DDX60L: variants seen among roughly 807,000 people sequenced by gnomAD.
DDX60L encodes probable ATP-dependent RNA helicase DDX60-like.
DDX60L carries 191 observed loss-of-function variants against 211.6 expected under a neutral mutation model. That is an observed-to-expected ratio of 0.90 (90% CI 0.80 to 1.02). The LOEUF (loss-of-function observed/expected upper bound fraction) is 1.02, where lower values mean the gene tolerates loss of function less well. Among genes scored for constraint, DDX60L ranks in the 50% least tolerant of loss-of-function variants. The pLI is 0.00. For synonymous variants in DDX60L, 706 were observed against 694.1 expected (o/e 1.02, Z -0.27); for missense variants, 2,007 against 1,984.1 (o/e 1.01, Z -0.22).
intron 35 of DDX60L, among the ~76,000 whole-genome samples, chr4:168,373,196 A>C (rs968446418): frequency 6.6e-6 from 1 of 152,138 alleles, no homozygotes; most frequent in African/African-American, 2.4e-5. Context: ...TTCAATGTGG[A>C]ATTTATTTCT....
intron 17 of DDX60L, among the ~76,000 whole-genome samples, chr4:168,420,641 TGAG>T (rs1750422059): frequency 2.5e-5 from 2 of 80,506 alleles, no homozygotes; most frequent in Non-Finnish European, 5.0e-5. Flanking sequence ...CACACACACA[TGAG>T]ATAGATAGAT....
intron 10 of DDX60L, among the ~76,000 whole-genome samples, 165 bp from the exon 11 acceptor site, chr4:168,433,280 G>A (rs1431577732): frequency 6.6e-6 from 1 of 152,042 alleles, no homozygotes; most frequent in Non-Finnish European, 1.5e-5. Flanking sequence ...CAAACATGTT[G>A]TAGCAAGCCA....
At chr4:168,475,463 A>G (rs1759347270) in intron 1 of DDX60L, among the ~76,000 whole-genome samples, 1 of 152,164 alleles carries the variant, frequency 6.6e-6, no homozygotes, top group Non-Finnish European at 1.5e-5. Context: ...GTATACAGTT[A>G]TGTTGTGTTT....
At chr4:168,385,202 G>A (rs1054810021) in intron 29 of DDX60L, among the ~76,000 whole-genome samples, 2 of 152,164 alleles carry the variant, frequency 1.3e-5, no homozygotes, top group African/African-American at 4.8e-5. Context: ...TCTGGGGAAG[G>A]GAGAAGGGCT....
intron 35 of DDX60L, among the ~76,000 whole-genome samples, chr4:168,372,868 TCTATTTGTTTA>T (rs1741279122): frequency 6.6e-6 from 1 of 152,232 alleles, no homozygotes; most frequent in African/African-American, 2.4e-5. Flanking sequence ...TGTGTTCTTT[TCTATTTGTTTA>T]CTTTGGGTAT....
In DDX60L at chr4:168,430,591, C is replaced by A. The variant is rs1752194770; in HGVS notation, c.1564G>T (p.Asp522Tyr). The change falls in exon 13 of 38, where the codon GAT becomes TAT. Residue 522 changes from aspartate to tyrosine, a missense_variant. Physicochemically the swap from Asp to Tyr is radical, Grantham distance 160. Coordinates refer to ENST00000682922, the MANE Select transcript of DDX60L (RefSeq NM_001012967.3). ...HVLDFLKKIQDYQQFYGKSLE... is the reference protein window; with the variant it reads ...HVLDFLKKIQYYQQFYGKSLE... ...GATTTCCCATAAAATTGCTGATAAT[C>A]CTGAATCTTTTTCAGGAAATCAAGA... The A allele has an allele frequency of 1.9e-6, 3 of 1,591,294 alleles. No individual in the cohort carries two copies. Among genetic ancestry groups the A allele is most frequent in the Non-Finnish European group, 1.7e-6 (2 of 1,168,532 alleles).
At chr4:168,435,613 CT>C (rs150675771) in intron 10 of DDX60L, among the ~76,000 whole-genome samples, 8,012 of 152,118 alleles carry the variant, frequency 0.053, 688 homozygotes, top group African/African-American at 0.18. Context: ...CTGGCAAATG[CT>C]TTTTTTCTCC....
intron 8 of DDX60L, among the ~76,000 whole-genome samples, chr4:168,449,111 C>T (rs1755271535): frequency 6.6e-6 from 1 of 152,084 alleles, no homozygotes; most frequent in Non-Finnish European, 1.5e-5. Flanking sequence ...TGCATGAGTA[C>T]ATTTAGACAG....
chr4:168,369,912 A>G (rs1468319695), intron 36 of DDX60L, among the ~76,000 whole-genome samples: 1 of 152,190 alleles, frequency 6.6e-6, no homozygotes, highest in African/African-American at 2.4e-5. Context: ...ATAAAAAGAC[A>G]AAAGAAAGCA....
intron 36 of DDX60L, 172 bp from the exon 37 acceptor site, chr4:168,361,383 C>A (rs751635563): frequency 1.4e-5 from 7 of 487,452 alleles, no homozygotes; most frequent in African/African-American, 2.0e-5. Flanking sequence ...TAGGTAAAAA[C>A]CACAAAAAAA....
At chr4:168,428,952 T>C (rs1391961573) in intron 13 of DDX60L, among the ~76,000 whole-genome samples, 1 of 152,154 alleles carries the variant, frequency 6.6e-6, no homozygotes, top group Non-Finnish European at 1.5e-5. Flanking sequence ...GGAAGATTCC[T>C]ACCCTTTCAA....
chr4:168,367,107 G>A (rs1740133450), intron 36 of DDX60L, among the ~76,000 whole-genome samples: 1 of 152,048 alleles, frequency 6.6e-6, no homozygotes, highest in Non-Finnish European at 1.5e-5. Context: ...AATGAGACTA[G>A]ACTCCTACTT....
At chr4:168,467,991 AC>A (rs1396988628) in intron 4 of DDX60L, among the ~76,000 whole-genome samples, 1 of 152,036 alleles carries the variant, frequency 6.6e-6, no homozygotes, top group African/African-American at 2.4e-5. Context: ...ACATGGGGAA[AC>A]CCCATCTTTG....
intron 4 of DDX60L, chr4:168,470,920 G>A (rs1001519262): frequency 4.7e-6 from 1 of 210,890 alleles, no homozygotes; most frequent in African/African-American, 2.3e-5. Context: ...TGCTTCTAGG[G>A]GATGGGATGA....
chr4:168,456,488 A>G (rs1036221528), intron 6 of DDX60L, among the ~76,000 whole-genome samples: 1 of 152,188 alleles, frequency 6.6e-6, no homozygotes, highest in African/African-American at 2.4e-5. Flanking sequence ...TCAGAGAAGT[A>G]TATGTTAAAA....
chr4:168,473,552 C>T lies in DDX60L; in HGVS notation c.-110-743G>A, dbSNP rs946454936. Among the ~76,000 whole-genome samples the T allele has an allele frequency of 2.6e-5, 4 of 152,134 alleles. No homozygotes were observed. The East Asian group carries it at 5.8e-4, about 22-fold the overall frequency. Reference sequence around the variant, plus strand: ...GAGTTGGGGAGTGTCACAGATGACTCCTCAGATCCTAGCAAGGACAGGAGG... The same window carrying T: ...GAGTTGGGGAGTGTCACAGATGACTTCTCAGATCCTAGCAAGGACAGGAGG... On this transcript the variant is annotated intron_variant, in intron 1 of 37. Coordinates refer to ENST00000682922, the MANE Select transcript of DDX60L (RefSeq NM_001012967.3).
Position 168,456,151 on chromosome 4 carries a change from G to C in DDX60L, c.725C>G (p.Ala242Gly). Reference sequence around the variant, plus strand: ...CTGAAGCAGAAATAGAGTCTGATACGCCTATCAAAAAAGAAATTTCTTCAA... The same window carrying C: ...CTGAAGCAGAAATAGAGTCTGATACCCCTATCAAAAAAGAAATTTCTTCAA... Reference protein sequence around the residue: ...HLKWNDMMEEAYQTLFLLQHL... With the variant: ...HLKWNDMMEEGYQTLFLLQHL... Residue 242 changes from alanine (A) to glycine (G), a missense_variant and splice_region_variant, in exon 7 of 38, where the codon GCG becomes GGG. Transcript: ENST00000682922. 3.3e-6 allele frequency: 5 copies of C among 1,529,844 alleles called. No homozygotes were observed. Among genetic ancestry groups the C allele is most frequent in the Non-Finnish European group, 4.4e-6 (5 of 1,144,018 alleles). The allele number at this position is 1,529,844 out of a possible 1,614,324, so 94.8% of individuals were successfully genotyped here.
chr4:168,364,808 T>C (rs148632117), intron 36 of DDX60L, among the ~76,000 whole-genome samples: 9 of 152,260 alleles, frequency 5.9e-5, no homozygotes, highest in East Asian at 1.9e-4. Flanking sequence ...TTTAAGAATA[T>C]AGAGATCATA....
intron 5 of DDX60L, among the ~76,000 whole-genome samples, chr4:168,460,077 C>T (rs998604931): frequency 6.6e-6 from 1 of 152,048 alleles, no homozygotes; most frequent in South Asian, 2.1e-4. Flanking sequence ...TTTCAAAGGA[C>T]AGAGATCTGC....
Sources: gnomAD v4.1 joint callset for allele counts (sites outside exome capture counted in the v4.1 genomes callset) on GRCh38, gnomAD v4.1.1 for gene constraint, MANE v1.5 for transcripts, NCBI Gene and HGNC (gene_info 2026-07-23, HGNC 2026-07-21) for gene names.